The following RNF11 variants were observed in gnomAD, a reference collection of about 807,000 sequenced individuals.
The protein encoded by RNF11 is ring finger protein 11.
In RNF11, 4 loss-of-function variants were observed where a neutral mutation model predicts 15.8. The ratio of observed to expected loss-of-function variants is 0.25; its 90% confidence interval spans 0.12 to 0.58. The LOEUF (loss-of-function observed/expected upper bound fraction) is 0.58, where lower values mean the gene tolerates loss of function less well. Ranked by LOEUF, RNF11 falls within the 20% of genes least tolerant of loss-of-function variation. The pLI, the probability that RNF11 is intolerant of heterozygous loss-of-function variation, is 0.91. For synonymous variants in RNF11, 68 were observed against 72.3 expected (o/e 0.94, Z 0.30); for missense variants, 139 against 194.4 (o/e 0.71, Z 1.70).
chr1:51,246,972 T>A (rs1281562887), intron 1 of RNF11, among the ~76,000 whole-genome samples: 2 of 145,660 alleles, frequency 1.4e-5, no homozygotes, highest in Non-Finnish European at 3.0e-5. Context: ...AGTGAGACCT[T>A]ATCTCTTAAA....
intron 1 of RNF11, among the ~76,000 whole-genome samples, chr1:51,263,864 A>G (rs1029563785): frequency 2.6e-5 from 4 of 152,142 alleles, no homozygotes; most frequent in Non-Finnish European, 5.9e-5. Context: ...TGTGTATTTT[A>G]AATAGGGAAA....
At chr1:51,244,196 C>T (rs191725654) in intron 1 of RNF11, among the ~76,000 whole-genome samples, 26 of 152,308 alleles carry the variant, frequency 1.7e-4, no homozygotes, top group Admixed American at 5.9e-4. Context: ...TCACAAAGCA[C>T]GCACTTATAC....
At chr1:51,249,329 C>G (rs916536805) in intron 1 of RNF11, among the ~76,000 whole-genome samples, 8 of 152,274 alleles carry the variant, frequency 5.3e-5, no homozygotes, top group Middle Eastern at 3.4e-3. Context: ...GCATTGGGCT[C>G]AAGTGATCTT....
chr1:51,269,877 C>T (rs1286277192), intron 1 of RNF11, 79 bp from the exon 2 acceptor site: 3 of 1,282,066 alleles, frequency 2.3e-6, no homozygotes, highest in African/African-American at 3.0e-5. Context: ...CTCCCTTTCC[C>T]TTCTATCTCT....
In RNF11 at chr1:51,270,091, C is replaced by A. The variant is rs748692206; in HGVS notation, c.259C>A (p.Pro87Thr). ...ACATCTGCCTAAAGGAGTTTATGAC[C>A]CTGGAAGAGATGGATCAGAAAAAAA... ...IQHLPKGVYD[P>T]GRDGSEKKIR... Residue 87 changes from proline to threonine, a missense_variant, in exon 2 of 3, where the codon CCT (proline) becomes ACT (threonine). Transcript: ENST00000242719. 1 of 1,608,356 alleles carries A rather than the reference C, an allele frequency of 6.2e-7. No homozygotes were observed. Among genetic ancestry groups the A allele is most frequent in the Non-Finnish European group, 8.5e-7 (1 of 1,178,324 alleles).
intron 1 of RNF11, among the ~76,000 whole-genome samples, chr1:51,269,555 G>T (rs1009019156): frequency 1.8e-4 from 28 of 152,156 alleles, no homozygotes; most frequent in Non-Finnish European, 2.9e-5. Flanking sequence ...GGCAAGCTTG[G>T]TCCTATGAAA....
At chr1:51,247,580 T>TA (rs1164481269) in intron 1 of RNF11, among the ~76,000 whole-genome samples, 2 of 152,096 alleles carry the variant, frequency 1.3e-5, no homozygotes. Context: ...CATGAGCTGC[T>TA]AGGCCTGGCC....
chr1:51,241,177 T>TC (rs1280543103), intron 1 of RNF11, among the ~76,000 whole-genome samples: 1 of 152,194 alleles, frequency 6.6e-6, no homozygotes, highest in Non-Finnish European at 1.5e-5. Flanking sequence ...AGTCTCAAAC[T>TC]CCTGGGCTCA....
intron 2 of RNF11, among the ~76,000 whole-genome samples, chr1:51,270,625 T>A (rs1646974366): frequency 6.6e-6 from 1 of 152,250 alleles, no homozygotes. Context: ...GTAAGTAGGC[T>A]GAAGTTAGTG....
chr1:51,263,990 A>C lies in RNF11; in HGVS notation c.124-5966A>C, dbSNP rs1646941904. On this transcript the variant is annotated intron_variant, in intron 1 of 2. Transcript: ENST00000242719. ...TTTTTAAGGCTAGGCTTGGCTGCTC[A>C]CTCCTGGGATCCCAGCACTTTGGAA... is the stretch of plus-strand genomic sequence containing the variant. 2.6e-5 allele frequency among the ~76,000 whole-genome samples: 4 copies of C among 151,838 alleles called. No homozygotes were observed. In the South Asian group the frequency reaches 8.3e-4, roughly 32 times the overall value.
At chr1:51,252,836 T>TGTGTGTG (rs1646886118) in intron 1 of RNF11, among the ~76,000 whole-genome samples, 2 of 151,422 alleles carry the variant, frequency 1.3e-5, no homozygotes, top group Admixed American at 1.3e-4. Context: ...TGTGTGTGTG[T>TGTGTGTG]TTGGGGGGGA....
intron 1 of RNF11, among the ~76,000 whole-genome samples, chr1:51,242,803 G>A (rs1252226425): frequency 6.6e-6 from 1 of 152,070 alleles, no homozygotes; most frequent in East Asian, 1.9e-4. Context: ...AACTTACGAA[G>A]TTAAATTTAG....
At chr1:51,242,067 C>T (rs561198626) in intron 1 of RNF11, among the ~76,000 whole-genome samples, 5 of 152,258 alleles carry the variant, frequency 3.3e-5, no homozygotes, top group African/African-American at 7.2e-5. Context: ...TCTTCTTCCC[C>T]GACCTATACT....
chr1:51,251,024 A>G (rs774339794), intron 1 of RNF11: 67 of 1,482,678 alleles, frequency 4.5e-5, no homozygotes, highest in Middle Eastern at 2.1e-4. Context: ...TGATGGCCCC[A>G]TGGATGGCGG....
At chr1:51,263,316 A>C (rs1456646509) in intron 1 of RNF11, among the ~76,000 whole-genome samples, 1 of 152,248 alleles carries the variant, frequency 6.6e-6, no homozygotes, top group East Asian at 1.9e-4. Flanking sequence ...AGTGATAAAA[A>C]GGAATGCAAT....
chr1:51,251,408 G>A, intron 1 of RNF11: 2 of 1,322,998 alleles, frequency 1.5e-6, no homozygotes, highest in Non-Finnish European at 2.1e-6. Flanking sequence ...CTCCGCGGAA[G>A]CCACCGCAGT....
intron 1 of RNF11, among the ~76,000 whole-genome samples, chr1:51,241,564 A>C (rs561287154): frequency 1.3e-5 from 2 of 152,330 alleles, no homozygotes; most frequent in South Asian, 2.1e-4. Flanking sequence ...TCACCGCAAG[A>C]TATTTATGTA....
intron 1 of RNF11, among the ~76,000 whole-genome samples, chr1:51,258,174 T>A (rs1431968100): frequency 6.9e-6 from 1 of 145,984 alleles, no homozygotes; most frequent in African/African-American, 2.8e-5. Flanking sequence ...TCTCTAGTGA[T>A]CAGTGATAAT....
intron 1 of RNF11, among the ~76,000 whole-genome samples, chr1:51,268,043 A>G (rs891525148): frequency 3.3e-5 from 5 of 152,152 alleles, no homozygotes; most frequent in African/African-American, 1.2e-4. Flanking sequence ...CACATCTTTT[A>G]AAATTGTTGT....
Sources: gnomAD v4.1 joint callset for allele counts (sites outside exome capture counted in the v4.1 genomes callset) on GRCh38, gnomAD v4.1.1 for gene constraint, MANE v1.5 for transcripts, NCBI Gene and HGNC (gene_info 2026-07-23, HGNC 2026-07-21) for gene names.